Variants in MAST4 observed in about 807,000 individuals in gnomAD.
The protein encoded by MAST4 is microtubule-associated serine/threonine-protein kinase 4.
MAST4 carries 89 observed loss-of-function variants against 162.7 expected under a neutral mutation model. The observed-to-expected ratio is 0.55, with a 90% CI of 0.46 to 0.65. The LOEUF (loss-of-function observed/expected upper bound fraction) is 0.65, where lower values mean the gene tolerates loss of function less well. Ranked by LOEUF, MAST4 falls within the 30% of genes least tolerant of loss-of-function variation. The pLI, the probability that MAST4 is intolerant of heterozygous loss-of-function variation, is 0.00. For synonymous variants in MAST4, 1,479 were observed against 1,361.1 expected, an observed-to-expected ratio of 1.09 and a Z score of -1.91; for missense variants, 3,153 against 3,374.0, an observed-to-expected ratio of 0.93 and a Z score of 1.62.
intron 4 of MAST4, among the ~76,000 whole-genome samples, chr5:66,995,313 C>A (rs1750507858): frequency 6.6e-6 from 1 of 152,098 alleles, no homozygotes; most frequent in African/African-American, 2.4e-5. Context: ...TTTGTAAACT[C>A]TTCAAAGTAT....
In MAST4 at chr5:67,167,264, CAAAAAAAAAAAA is replaced by C. The variant is rs34486167; in HGVS notation, c.*231_*242del. On this transcript the variant is annotated 3_prime_UTR_variant, in exon 29 of 29. Transcript: ENST00000403625. ...AAACTGTTACCAGATAGTGTTTGTACAAAAAAAAAAAAAAAAAAAAAAAAAAAAATTACCTTT... is the reference window on the plus strand; with the variant it reads ...AAACTGTTACCAGATAGTGTTTGTACAAAAAAAAAAAAAAAAATTACCTTT... 1,157 of 79,560 alleles carry C rather than the reference CAAAAAAAAAAAA, an allele frequency of 0.015. 20 individuals carry two copies. The highest frequency in any genetic ancestry group is 0.088 in the South Asian group (155 of 1,760). The allele number at this position is 79,560 out of a possible 1,614,324, so 4.9% of individuals were successfully genotyped here. A position where few individuals can be genotyped will look rare whatever the true frequency, so the allele number is the denominator to read the frequency against.
chr5:66,801,838 C>A (rs1006017319), intron 3 of MAST4, among the ~76,000 whole-genome samples: 1 of 152,190 alleles, frequency 6.6e-6, no homozygotes, highest in Middle Eastern at 3.2e-3. Flanking sequence ...ATTCAAACAT[C>A]ATACCATCAC....
chr5:66,680,199 C>T (rs1370097370), intron 1 of MAST4, among the ~76,000 whole-genome samples: 4 of 152,166 alleles, frequency 2.6e-5, no homozygotes, highest in Non-Finnish European at 4.4e-5. Context: ...TCCTAATTTA[C>T]TAGTTCCTGG....
intron 16 of MAST4, 52 bp downstream of exon 16, chr5:67,132,003 G>C (rs143799934): frequency 1.3e-6 from 2 of 1,555,770 alleles, no homozygotes; most frequent in Non-Finnish European, 1.7e-6. Context: ...CAAAGTTCTC[G>C]TATGTTTATA....
chr5:66,950,130 T>G (rs1744497306), intron 4 of MAST4, among the ~76,000 whole-genome samples: 2 of 152,090 alleles, frequency 1.3e-5, no homozygotes, highest in South Asian at 4.1e-4. Flanking sequence ...TTCCACCACC[T>G]TAACCACTGT....
At chr5:67,146,716 T>C (rs1346828770) in intron 23 of MAST4, among the ~76,000 whole-genome samples, 1 of 152,214 alleles carries the variant, frequency 6.6e-6, no homozygotes, top group Non-Finnish European at 1.5e-5. Flanking sequence ...AAAATAATGT[T>C]GGATTTTCTT....
intron 4 of MAST4, among the ~76,000 whole-genome samples, chr5:66,952,806 AG>A (rs143166767): frequency 0.054 from 8,244 of 152,298 alleles, 332 homozygotes; most frequent in Middle Eastern, 0.11. Context: ...TTCATCCTGC[AG>A]ATGAAGCTTG....
Position 67,153,565 on chromosome 5 carries a change from A to G in MAST4, c.3633A>G (p.Ile1211Met), listed in dbSNP as rs749448131. 1 of 1,587,784 alleles carries G rather than the reference A, an allele frequency of 6.3e-7. No individual in the cohort carries two copies. The highest frequency in any genetic ancestry group is 1.2e-5 in the South Asian group (1 of 86,440). The change falls in exon 26 of 29, where the codon ATA becomes ATG. Residue 1211 changes from isoleucine to methionine, a missense_variant. Ile to Met is a conservative substitution (Grantham distance 10, BLOSUM62 1). This residue lies in a region of MAST4 where 619 missense variants were observed against 744.2 expected (regional missense o/e 0.83). Transcript: ENST00000403625. ...ATGGACTTGTCCACACAGAAGTTAT[A>G]GAACTCCTACTGAAGGTATTGTATG... ...PVHGLVHTEV[I>M]ELLLKSGNKV...
chr5:66,709,152 C>T (rs1335348249), intron 1 of MAST4, among the ~76,000 whole-genome samples: 1 of 151,962 alleles, frequency 6.6e-6, no homozygotes, highest in Non-Finnish European at 1.5e-5. Context: ...TGAAATATTA[C>T]ACATTTCCAG....
At chr5:67,077,838 G>A (rs1018405428) in intron 5 of MAST4, among the ~76,000 whole-genome samples, 1 of 152,140 alleles carries the variant, frequency 6.6e-6, no homozygotes. Flanking sequence ...AGTGGCTCAT[G>A]CCTATAATCC....
In MAST4 at chr5:66,783,238, T is replaced by C. The variant is rs192369863; in HGVS notation, c.518-5432T>C. 26 of 152,372 alleles carry C rather than the reference T, an allele frequency of 1.7e-4. No homozygotes were observed. The East Asian group carries it at 4.0e-3, about 24-fold the overall frequency. 9.4% of individuals were successfully genotyped at this position (152,372 alleles called of 1,614,324 possible). A position where few individuals can be genotyped will look rare whatever the true frequency, so the allele number is the denominator to read the frequency against. ...TGGTTTAACAAAATTTTATTTCTGC[T>C]CACTTTATAATTTAATGTGTGTTGG... On this transcript the variant is annotated intron_variant, in intron 2 of 28. Transcript: ENST00000403625.
intron 1 of MAST4, among the ~76,000 whole-genome samples, chr5:66,748,886 G>A (rs1369898128): frequency 6.6e-6 from 1 of 151,902 alleles, no homozygotes; most frequent in Non-Finnish European, 1.5e-5. Flanking sequence ...TCCCAGGATG[G>A]TGTGGTCTAG....
At chr5:66,661,582 G>A (rs970321966) in intron 1 of MAST4, among the ~76,000 whole-genome samples, 3 of 152,180 alleles carry the variant, frequency 2.0e-5, no homozygotes, top group African/African-American at 7.2e-5. Context: ...TTTGGTGACT[G>A]CCTATAGTAT....
intron 7 of MAST4, among the ~76,000 whole-genome samples, chr5:67,096,998 T>A (rs995504408): frequency 2.0e-5 from 3 of 152,150 alleles, no homozygotes; most frequent in African/African-American, 7.2e-5. Context: ...CTATCAGTGG[T>A]TATTGGCCAA....
intron 3 of MAST4, among the ~76,000 whole-genome samples, chr5:66,892,653 T>A (rs1464456063): frequency 6.6e-6 from 1 of 151,450 alleles, no homozygotes; most frequent in Non-Finnish European, 1.5e-5. Flanking sequence ...AGTGCCCTCT[T>A]TATTATCAGT....
At position 66,689,324 on chromosome 5, in the gene MAST4, A is replaced by G. The variant is rs150693769; in HGVS notation, c.364-70385A>G. Among the ~76,000 whole-genome samples the G allele has an allele frequency of 5.3e-5, 8 of 152,262 alleles. No homozygotes were observed. In the East Asian group the frequency reaches 1.5e-3, roughly 29 times the overall value. On this transcript the variant is annotated intron_variant, in intron 1 of 28. Coordinates refer to ENST00000403625, the MANE Select transcript of MAST4 (RefSeq NM_001164664.2). ...GAGACCAGGGTGAGGTGCAATCTCT[A>G]CTGTCCCCTAATCCGAGTTTCTTCA...
intron 1 of MAST4, among the ~76,000 whole-genome samples, chr5:66,636,472 TGAGG>T (rs916265306): frequency 3.8e-4 from 58 of 152,136 alleles, no homozygotes; most frequent in African/African-American, 1.4e-3. Flanking sequence ...AGCAAATATG[TGAGG>T]GAGGGAGAGG....
intron 3 of MAST4, among the ~76,000 whole-genome samples, chr5:66,892,930 A>G (rs1044303124): frequency 6.6e-6 from 1 of 152,202 alleles, no homozygotes; most frequent in Admixed American, 6.5e-5. Context: ...GCAGTTTATG[A>G]TAAAATCTTA....
chr5:67,137,026 C>T (rs1040819810), intron 19 of MAST4, among the ~76,000 whole-genome samples: 3 of 152,124 alleles, frequency 2.0e-5, no homozygotes, highest in Non-Finnish European at 4.4e-5. Flanking sequence ...ACAGAGGATT[C>T]GATATTTGGA....
Sources: gnomAD v4.1 joint callset for allele counts (sites outside exome capture counted in the v4.1 genomes callset) on GRCh38, gnomAD v4.1.1 for gene constraint, gnomAD v4.1.1 regional missense constraint, MANE v1.5 for transcripts, NCBI Gene and HGNC (gene_info 2026-07-23, HGNC 2026-07-21) for gene names.